ZNG1E: variants seen among roughly 807,000 people sequenced by gnomAD.
ZNG1E encodes Zn regulated GTPase metalloprotein activator 1E, also known as zinc-regulated GTPase metalloprotein activator 1E.
the ZNG1E span, among the ~76,000 whole-genome samples, chr9:65,662,814 A>G: frequency 2.0e-5 from 3 of 151,986 alleles, no homozygotes; most frequent in African/African-American, 7.2e-5. Context: ...CTACCTAACA[A>G]TGTATCTTTT....
chr9:65,659,971 G>A, the ZNG1E span, among the ~76,000 whole-genome samples: 2 of 149,930 alleles, frequency 1.3e-5, no homozygotes, highest in East Asian at 3.9e-4. Flanking sequence ...AGATATGCAA[G>A]GTCTCAAAGA....
the ZNG1E span, chr9:65,704,709 G>T: frequency 6.6e-6 from 1 of 151,030 alleles, no homozygotes. Context: ...TCAGGAGATG[G>T]AGACCATCCT....
chr9:65,675,375 G>T, the ZNG1E span, among the ~76,000 whole-genome samples: 1 of 149,222 alleles, frequency 6.7e-6, no homozygotes, highest in East Asian at 2.0e-4. Context: ...AAATAAAAGT[G>T]ATGCATGAAT....
At chr9:65,676,561 G>T in the ZNG1E span, among the ~76,000 whole-genome samples, 7 of 149,340 alleles carry the variant, frequency 4.7e-5, no homozygotes, top group South Asian at 8.4e-4. Context: ...GACACGTGGG[G>T]CTTTCGTCAG....
the ZNG1E span, among the ~76,000 whole-genome samples, chr9:65,672,481 C>T: frequency 3.0e-4 from 45 of 150,828 alleles, no homozygotes; most frequent in African/African-American, 9.8e-4. Flanking sequence ...CACAGTGGCT[C>T]ACGCCTGTAA....
chr9:65,666,234 G>A, the ZNG1E span, among the ~76,000 whole-genome samples: 1 of 150,616 alleles, frequency 6.6e-6, no homozygotes, highest in East Asian at 1.9e-4. Flanking sequence ...TTGTGGGAGG[G>A]ACCCGGTGGG....
At chr9:65,706,465 T>C in the ZNG1E span, 1 of 91,378 alleles carries the variant, frequency 1.1e-5, no homozygotes, top group East Asian at 3.0e-4. Flanking sequence ...TTTTTTTTCT[T>C]TTTTTTTTTT....
the ZNG1E span, among the ~76,000 whole-genome samples, chr9:65,688,191 TTAATTGGTTAAGTCAATAATTAAA>T: frequency 2.0e-5 from 3 of 147,672 alleles, no homozygotes; most frequent in African/African-American, 7.4e-5. Context: ...TAATTATTAA[TTAATTGGTTAAGTCAATAATTAAA>T]TTATTAATAA....
chr9:65,687,407 T>G, the ZNG1E span, among the ~76,000 whole-genome samples: 1 of 148,992 alleles, frequency 6.7e-6, no homozygotes, highest in Non-Finnish European at 1.5e-5. Context: ...TGGGTTCTTA[T>G]ACACTTCATT....
the ZNG1E span, among the ~76,000 whole-genome samples, chr9:65,718,951 ATTTTTTTT>A: frequency 7.2e-5 from 3 of 41,564 alleles, no homozygotes; most frequent in East Asian, 5.5e-4. Flanking sequence ...TCGTTGTTAG[ATTTTTTTT>A]TTTTTTTTTT....
the ZNG1E span, among the ~76,000 whole-genome samples, chr9:65,658,135 A>G: frequency 1.4e-4 from 21 of 151,708 alleles, no homozygotes; most frequent in African/African-American, 5.1e-4. Flanking sequence ...CCCCATAAAT[A>G]TAAATACCTA....
At chr9:65,707,966 TCTC>T in the ZNG1E span, 2 of 151,268 alleles carry the variant, frequency 1.3e-5, no homozygotes, top group Non-Finnish European at 2.9e-5. Context: ...TTCAAATGAT[TCTC>T]CTGCCGCAGC....
At chr9:65,681,100 T>C in the ZNG1E span, among the ~76,000 whole-genome samples, 125,636 of 149,228 alleles carry the variant, frequency 0.84, 51,123 homozygotes, top group South Asian at 0.93. Context: ...AAACCTTCCT[T>C]AGGATGAACT....
the ZNG1E span, among the ~76,000 whole-genome samples, chr9:65,714,428 C>T: frequency 1.0e-4 from 11 of 106,118 alleles, no homozygotes; most frequent in African/African-American, 3.1e-4. Flanking sequence ...GGAGGAGAGG[C>T]GCTGCGTTCC....
the ZNG1E span, among the ~76,000 whole-genome samples, chr9:65,712,118 C>G: frequency 8.1e-5 from 12 of 148,624 alleles, no homozygotes; most frequent in African/African-American, 3.1e-4. Context: ...TCCATTTCTT[C>G]TAGATTTTCT....
At chr9:65,666,187 G>C in the ZNG1E span, among the ~76,000 whole-genome samples, 2 of 150,586 alleles carry the variant, frequency 1.3e-5, no homozygotes, top group African/African-American at 4.9e-5. Flanking sequence ...TGGTTTGGCT[G>C]TGTCCCCACC....
chr9:65,684,720 G>A, the ZNG1E span, among the ~76,000 whole-genome samples: 27 of 152,240 alleles, frequency 1.8e-4, no homozygotes, highest in East Asian at 5.2e-3. Flanking sequence ...TACTGAATCG[G>A]AATCTCTAAG....
At chr9:65,714,645 G>T in the ZNG1E span, among the ~76,000 whole-genome samples, 7 of 152,102 alleles carry the variant, frequency 4.6e-5, no homozygotes, top group African/African-American at 7.3e-5. Flanking sequence ...ACCCGGCCGT[G>T]TGAGGTGTCA....
At chr9:65,663,800 C>T in the ZNG1E span, among the ~76,000 whole-genome samples, 4 of 148,598 alleles carry the variant, frequency 2.7e-5, no homozygotes, top group Admixed American at 1.3e-4. Flanking sequence ...ATTTTATATG[C>T]CTCTTGTAAC....
Sources: gnomAD v4.1 joint callset for allele counts (sites outside exome capture counted in the v4.1 genomes callset) on GRCh38, gnomAD v4.1.1 for gene constraint, MANE v1.5 for transcripts, NCBI Gene and HGNC (gene_info 2026-07-23, HGNC 2026-07-21) for gene names.